RERE: variants seen among roughly 807,000 people sequenced by gnomAD.
RERE encodes the protein arginine-glutamic acid dipeptide repeats protein.
Under a neutral mutation model 146.1 loss-of-function variants are expected in RERE, and 40 were observed. The observed-to-expected ratio is 0.27, with a 90% confidence interval of 0.21 to 0.36. The LOEUF (loss-of-function observed/expected upper bound fraction) is 0.36. RERE is among the 10% of genes least tolerant of loss of function. The pLI, the probability that RERE is intolerant of heterozygous loss-of-function variation, is 1.00. For synonymous variants in RERE, 1,003 were observed against 866.0 expected, an observed-to-expected ratio of 1.16 and a Z score of -2.78; for missense variants, 1,933 against 2,138.7, an observed-to-expected ratio of 0.90 and a Z score of 1.90.
intron 12 of RERE, among the ~76,000 whole-genome samples, chr1:8,372,197 C>T (rs1341208499): frequency 6.6e-6 from 1 of 152,184 alleles, no homozygotes; most frequent in Non-Finnish European, 1.5e-5. Flanking sequence ...ATGCCTGTTT[C>T]AAACAGTATG....
At chr1:8,507,516 C>A (rs1439085764) in intron 8 of RERE, among the ~76,000 whole-genome samples, 3 of 149,576 alleles carry the variant, frequency 2.0e-5, no homozygotes, top group Non-Finnish European at 4.5e-5. Flanking sequence ...CAAGTGATTT[C>A]TCCTGCCTCA....
intron 4 of RERE, among the ~76,000 whole-genome samples, chr1:8,596,505 TTC>T (rs939045488): frequency 2.6e-5 from 4 of 152,052 alleles, no homozygotes; most frequent in Admixed American, 1.3e-4. Flanking sequence ...AAATTACTCT[TTC>T]TCTCTCTCTT....
At chr1:8,447,296 C>G (rs1644334875) in intron 11 of RERE, among the ~76,000 whole-genome samples, 1 of 152,032 alleles carries the variant, frequency 6.6e-6, no homozygotes, top group Non-Finnish European at 1.5e-5. Flanking sequence ...CTACTTCTGT[C>G]AATTTGTCAA....
intron 8 of RERE, among the ~76,000 whole-genome samples, chr1:8,500,659 G>A (rs1489533814): frequency 6.6e-6 from 1 of 152,026 alleles, no homozygotes; most frequent in African/African-American, 2.4e-5. Flanking sequence ...GAGCGTCTCT[G>A]CCTGGCCGCC....
At chr1:8,708,071 A>C (rs112053331) in intron 1 of RERE, among the ~76,000 whole-genome samples, 2,155 of 152,320 alleles carry the variant, frequency 0.014, 23 homozygotes, top group Non-Finnish European at 0.022. Flanking sequence ...TCAGGAACCC[A>C]CGGGGGCCTT....
intron 4 of RERE, among the ~76,000 whole-genome samples, chr1:8,560,515 G>GC (rs1329408585): frequency 6.6e-6 from 1 of 152,102 alleles, no homozygotes; most frequent in Admixed American, 6.5e-5. Flanking sequence ...AAGGCCTGTG[G>GC]CCCCCTCCAA....
intron 1 of RERE, among the ~76,000 whole-genome samples, chr1:8,760,868 A>G (rs1454718581): frequency 6.6e-6 from 1 of 152,240 alleles, no homozygotes; most frequent in Non-Finnish European, 1.5e-5. Flanking sequence ...ATTAGCTACC[A>G]TTTATGGAGC....
intron 1 of RERE, among the ~76,000 whole-genome samples, chr1:8,705,980 G>A (rs1056097927): frequency 2.0e-5 from 3 of 151,876 alleles, no homozygotes; most frequent in African/African-American, 7.3e-5. Context: ...GCCGGGCGTG[G>A]TGGCGGCCAC....
intron 12 of RERE, among the ~76,000 whole-genome samples, chr1:8,369,527 A>G (rs867726773): frequency 2.1e-5 from 3 of 143,470 alleles, no homozygotes; most frequent in African/African-American, 2.7e-5. Context: ...AAAAAAAAAA[A>G]AAAAAAAAAA....
At chr1:8,396,083 G>A (rs992286228) in intron 12 of RERE, among the ~76,000 whole-genome samples, 2 of 152,114 alleles carry the variant, frequency 1.3e-5, no homozygotes, top group Admixed American at 6.5e-5. Flanking sequence ...TTCAAGCCAG[G>A]GCTAAGAGCC....
At chr1:8,361,914 G>A in intron 16 of RERE, 38 bp from the exon 17 acceptor site, 1 of 1,424,316 alleles carries the variant, frequency 7.0e-7, no homozygotes, top group Non-Finnish European at 9.9e-7. Context: ...ATCAGGCCAA[G>A]GGAGACCATC....
In RERE at chr1:8,680,247, G is replaced by C. The variant is rs571492822; in HGVS notation, c.-144-23806C>G. On this transcript the variant is annotated intron_variant, in intron 1 of 22. Transcript: ENST00000400908. Reference sequence around the variant, plus strand: ...CACTAAAAGAAAAAAAAATACATCTGAGTATATGCATAAGTTGCATTTCTC... The same window carrying C: ...CACTAAAAGAAAAAAAAATACATCTCAGTATATGCATAAGTTGCATTTCTC... Among the ~76,000 whole-genome samples the C allele has an allele frequency of 5.3e-5, 8 of 152,256 alleles. No homozygotes were observed. The South Asian group carries it at 1.7e-3, about 32-fold the overall frequency.
At chr1:8,558,342 A>G (rs988213880) in intron 4 of RERE, among the ~76,000 whole-genome samples, 9 of 152,226 alleles carry the variant, frequency 5.9e-5, no homozygotes, top group African/African-American at 2.2e-4. Flanking sequence ...GCAGCTTGCA[A>G]AAGATCATCT....
At chr1:8,758,575 T>G (rs1182306756) in intron 1 of RERE, among the ~76,000 whole-genome samples, 2 of 151,804 alleles carry the variant, frequency 1.3e-5, no homozygotes, top group Non-Finnish European at 2.9e-5. Flanking sequence ...ATTTTTATTT[T>G]TTGTAGTGAC....
At chr1:8,761,878 C>T (rs1429473916) in intron 1 of RERE, among the ~76,000 whole-genome samples, 4 of 152,030 alleles carry the variant, frequency 2.6e-5, no homozygotes, top group Non-Finnish European at 4.4e-5. Flanking sequence ...GCCAAGATCA[C>T]GCCATTGCAC....
intron 12 of RERE, among the ~76,000 whole-genome samples, chr1:8,401,038 C>CT (rs1344568347): frequency 1.6e-4 from 9 of 57,486 alleles, no homozygotes; most frequent in East Asian, 1.3e-3. Context: ...AAAAAAAAAC[C>CT]ATATATATAT....
rs1472157373 is a variant in RERE, at chr1:8,452,362, A to G, written c.1203+13563T>C. On this transcript the variant is annotated intron_variant, in intron 11 of 22. Transcript: ENST00000400908. ...AAGCACTCATTTACACCCACTACCC[A>G]AATCAGTCAAGGATACCACAGTGGG... Among the ~76,000 whole-genome samples, 7 of 152,190 alleles carry G rather than the reference A, an allele frequency of 4.6e-5. No homozygotes were observed. In the East Asian group the frequency reaches 1.3e-3, roughly 29 times the overall value.
intron 1 of RERE, among the ~76,000 whole-genome samples, chr1:8,751,657 C>T (rs190510683): frequency 2.0e-5 from 3 of 152,124 alleles, no homozygotes; most frequent in African/African-American, 7.2e-5. Flanking sequence ...TATAGCAACT[C>T]GGAGGCTAAA....
At chr1:8,583,065 A>G (rs537275211) in intron 4 of RERE, among the ~76,000 whole-genome samples, 124 of 152,308 alleles carry the variant, frequency 8.1e-4, no homozygotes, top group African/African-American at 2.8e-3. Flanking sequence ...CATGGTTTAT[A>G]CAGGAATGGT....
Sources: allele counts gnomAD v4.1 joint callset (sites outside exome capture counted in the v4.1 genomes callset), GRCh38; gene constraint gnomAD v4.1.1; transcripts MANE v1.5; gene names NCBI Gene and HGNC (gene_info 2026-07-23, HGNC 2026-07-21).